The following GAS7 variants were observed in gnomAD, a reference collection of about 807,000 sequenced individuals.
GAS7 encodes growth arrest specific 7, also known as growth arrest-specific protein 7.
A neutral mutation model predicts 71.1 loss-of-function variants in GAS7; 28 were observed. The observed-to-expected ratio is 0.39, with a 90% CI of 0.29 to 0.54. The LOEUF (loss-of-function observed/expected upper bound fraction) is 0.54. GAS7 is among the 20% of genes least tolerant of loss of function. The pLI, the probability that GAS7 is intolerant of heterozygous loss-of-function variation, is 0.62. For synonymous variants in GAS7, 258 were observed against 245.8 expected (o/e 1.05, Z -0.46); for missense variants, 436 against 627.8 (o/e 0.69, Z 3.27).
At chr17:9,943,932 T>C (rs2068699113) in intron 6 of GAS7, among the ~76,000 whole-genome samples, 1 of 152,188 alleles carries the variant, frequency 6.6e-6, no homozygotes, top group African/African-American at 2.4e-5. Flanking sequence ...AAATGACCTA[T>C]GTATATATCT....
chr17:10,100,082 G>A (rs545214949), intron 1 of GAS7, among the ~76,000 whole-genome samples: 12 of 152,266 alleles, frequency 7.9e-5, no homozygotes, highest in African/African-American at 2.4e-4. Flanking sequence ...TAAAGGCTCC[G>A]AAAGAGGAAA....
chr17:9,929,897 C>G (rs6503272), intron 9 of GAS7, among the ~76,000 whole-genome samples: 76,873 of 152,008 alleles, frequency 0.51, 20,960 homozygotes, highest in African/African-American at 0.73. Context: ...AGTCCTTCCT[C>G]AAAGTGTCCT....
Position 9,969,889 on chromosome 17 carries a change from ATCCCTCAGGATCTGATC to A in GAS7, c.386-144_386-128del. On this transcript the variant is annotated intron_variant, in intron 3 of 13. Coordinates refer to ENST00000432992, the MANE Select transcript of GAS7 (RefSeq NM_201433.2). The surrounding 1 kb of genome is among the most constrained non-coding windows in gnomAD (Gnocchi z 5.5). ...TGAGAGGTCTTGCGTGGCGAAGACC[ATCCCTCAGGATCTGATC>A]TTATCTGTATCTGCAGAGCTGGAAA... The A allele has an allele frequency of 1.5e-6, 1 of 651,924 alleles. No individual in the cohort carries two copies. The allele number at this position is 651,924 out of a possible 1,614,324, so 40.4% of individuals were successfully genotyped here.
At chr17:10,143,917 C>A (rs941725646) in intron 1 of GAS7, among the ~76,000 whole-genome samples, 4 of 152,190 alleles carry the variant, frequency 2.6e-5, no homozygotes, top group Admixed American at 6.5e-5. Flanking sequence ...TGTGAGTGTG[C>A]TGGAAAATGG....
intron 1 of GAS7, among the ~76,000 whole-genome samples, chr17:10,096,674 T>TA (rs2073644535): frequency 6.6e-6 from 1 of 152,206 alleles, no homozygotes; most frequent in South Asian, 2.1e-4. Context: ...GCCACTCCAT[T>TA]TCATGGGGCT....
chr17:9,991,532 T>C (rs893309319), intron 2 of GAS7, among the ~76,000 whole-genome samples: 3 of 152,114 alleles, frequency 2.0e-5, no homozygotes, highest in African/African-American at 7.2e-5. Context: ...GGCTCCAGCC[T>C]GCACAGAGGG....
chr17:9,975,537 C>A lies in GAS7; in HGVS notation c.386-5775G>T, dbSNP rs535666346. Among the ~76,000 whole-genome samples the A allele has an allele frequency of 1.3e-3, 191 of 151,462 alleles. 1 individual carries two copies. The highest frequency in any genetic ancestry group is 4.3e-3 in the African/African-American group (179 of 41,220). ...CCTTCCCTCCTTCTTTCTCACCCCC[C>A]CCTTTTTCCTTCCTTCCACCCGTTC... On this transcript the variant is annotated intron_variant, in intron 3 of 13. Coordinates refer to ENST00000432992, the MANE Select transcript of GAS7 (RefSeq NM_201433.2).
intron 1 of GAS7, among the ~76,000 whole-genome samples, chr17:10,161,559 C>T (rs112150930): frequency 2.0e-5 from 3 of 152,210 alleles, no homozygotes; most frequent in African/African-American, 7.2e-5. Flanking sequence ...AAAGGAAGGT[C>T]GCAGACTTTG....
At chr17:10,059,027 C>CT (rs1351278411) in intron 1 of GAS7, among the ~76,000 whole-genome samples, 2 of 152,232 alleles carry the variant, frequency 1.3e-5, no homozygotes, top group African/African-American at 4.8e-5. Flanking sequence ...TCCCCTTTCA[C>CT]TGTTGTGTAC....
intron 5 of GAS7, among the ~76,000 whole-genome samples, chr17:9,952,085 G>T (rs1334826115): frequency 6.6e-6 from 1 of 152,208 alleles, no homozygotes; most frequent in Non-Finnish European, 1.5e-5. Context: ...GTACCACTCA[G>T]TCCCCTTCTT....
intron 1 of GAS7, among the ~76,000 whole-genome samples, chr17:10,107,079 C>T (rs2073763860): frequency 6.6e-6 from 1 of 152,196 alleles, no homozygotes; most frequent in African/African-American, 2.4e-5. Flanking sequence ...GGAACAGATT[C>T]TCCTTGGAGC....
At chr17:10,005,346 CATAT>C (rs1262053122) in intron 2 of GAS7, among the ~76,000 whole-genome samples, 3 of 149,660 alleles carry the variant, frequency 2.0e-5, no homozygotes, top group African/African-American at 7.4e-5. Context: ...CACACACACA[CATAT>C]ATATATATAT....
chr17:9,952,367 G>A (rs930439233), intron 5 of GAS7, among the ~76,000 whole-genome samples: 1 of 152,102 alleles, frequency 6.6e-6, no homozygotes, highest in African/African-American at 2.4e-5. Context: ...TACATGGCAA[G>A]TGGGCAAAGG....
rs564801173 is a variant in GAS7, at chr17:9,941,315, A to G, written c.732-1115T>C. Among the ~76,000 whole-genome samples, 6 of 152,252 alleles carry G rather than the reference A, an allele frequency of 3.9e-5. No individual in the cohort carries two copies. In the South Asian group the frequency reaches 1.2e-3, roughly 32 times the overall value. Reference sequence around the variant, plus strand: ...CCTCCAGACTGTGGTCAAGAGAGATATCTAGAAAGTAGATCTATCCATGCC... The same window carrying G: ...CCTCCAGACTGTGGTCAAGAGAGATGTCTAGAAAGTAGATCTATCCATGCC... On this transcript the variant is annotated intron_variant, in intron 7 of 13. Coordinates refer to ENST00000432992, the MANE Select transcript of GAS7 (RefSeq NM_201433.2).
At chr17:10,041,755 CAAAT>C (rs888015407) in intron 1 of GAS7, among the ~76,000 whole-genome samples, 95 of 152,246 alleles carry the variant, frequency 6.2e-4, no homozygotes, top group African/African-American at 2.2e-3. Flanking sequence ...GTGGCCTCTG[CAAAT>C]AGATAGGTTG....
At chr17:10,018,776 C>T (rs1324611429) in intron 2 of GAS7, among the ~76,000 whole-genome samples, 1 of 152,122 alleles carries the variant, frequency 6.6e-6, no homozygotes, top group Non-Finnish European at 1.5e-5. Context: ...TAACGATACC[C>T]CCAGGTGGGA....
intron 1 of GAS7, among the ~76,000 whole-genome samples, chr17:10,154,436 C>A (rs529551513): frequency 1.6e-3 from 237 of 151,682 alleles, no homozygotes; most frequent in African/African-American, 5.5e-3. Flanking sequence ...CCCAGGAGGT[C>A]GAGACTGCAG....
intron 2 of GAS7, among the ~76,000 whole-genome samples, chr17:10,005,050 T>TATAC (rs1296844463): frequency 4.6e-4 from 69 of 150,156 alleles, no homozygotes; most frequent in African/African-American, 1.7e-3. Context: ...TACATATATA[T>TATAC]ACACATATAT....
At chr17:10,180,139 G>A (rs1014399499) in intron 1 of GAS7, among the ~76,000 whole-genome samples, 1 of 152,046 alleles carries the variant, frequency 6.6e-6, no homozygotes, top group Non-Finnish European at 1.5e-5. Context: ...TCAGGAGTTC[G>A]AGACCAGACT....
Sources: gnomAD v4.1 joint callset for allele counts (sites outside exome capture counted in the v4.1 genomes callset) on GRCh38, gnomAD v4.1.1 for gene constraint, Gnocchi (gnomAD v3.1) non-coding constraint, MANE v1.5 for transcripts, NCBI Gene and HGNC (gene_info 2026-07-23, HGNC 2026-07-21) for gene names.